LRRIQ3: variants seen among roughly 807,000 people sequenced by gnomAD.
The protein encoded by LRRIQ3 is leucine rich repeats and IQ motif containing 3.
A neutral mutation model predicts 59.3 loss-of-function variants in LRRIQ3; 75 were observed. The observed-to-expected ratio is 1.26, with a 90% CI of 1.05 to 1.53. The LOEUF (loss-of-function observed/expected upper bound fraction) is 1.53. Among genes scored for constraint, LRRIQ3 ranks in the 40% most tolerant of loss-of-function variants. The probability of loss-of-function intolerance (pLI) is 0.00; values close to 1 mark genes in which losing one functional copy is unlikely to be tolerated. For synonymous variants in LRRIQ3, 250 were observed against 231.3 expected (o/e 1.08, Z -0.73); for missense variants, 831 against 710.0 (o/e 1.17, Z -1.94).
intron 4 of LRRIQ3, among the ~76,000 whole-genome samples, chr1:74,142,954 G>A (rs994865669): frequency 6.6e-6 from 1 of 151,978 alleles, no homozygotes; most frequent in African/African-American, 2.4e-5. Flanking sequence ...TATCTATGTA[G>A]AAGCCCATTC....
At chr1:74,115,036 G>A (rs766192990) in intron 4 of LRRIQ3, among the ~76,000 whole-genome samples, 24 of 149,932 alleles carry the variant, frequency 1.6e-4, no homozygotes, top group Admixed American at 2.0e-4. Context: ...CTATCTTGTC[G>A]AATGATTTAT....
intron 5 of LRRIQ3, among the ~76,000 whole-genome samples, chr1:74,101,203 A>C (rs1329766023): frequency 6.6e-6 from 1 of 152,102 alleles, no homozygotes; most frequent in Non-Finnish European, 1.5e-5. Flanking sequence ...CACTCAAACA[A>C]ACTTACAAGA....
At chr1:74,046,034 A>G (rs111408832) in intron 6 of LRRIQ3, among the ~76,000 whole-genome samples, 2,635 of 152,286 alleles carry the variant, frequency 0.017, 59 homozygotes, top group African/African-American at 0.06. Flanking sequence ...CACACTGCCC[A>G]AAGCAATTTA....
intron 5 of LRRIQ3, among the ~76,000 whole-genome samples, chr1:74,101,120 C>G (rs187834057): frequency 1.1e-3 from 167 of 152,080 alleles, no homozygotes; most frequent in African/African-American, 3.9e-3. Flanking sequence ...AGTGAACAGG[C>G]AATCTACAGA....
At chr1:74,126,410 C>T (rs547867649) in intron 4 of LRRIQ3, among the ~76,000 whole-genome samples, 6 of 151,664 alleles carry the variant, frequency 4.0e-5, no homozygotes, top group African/African-American at 1.4e-4. Context: ...GTTCCATTTG[C>T]TTTTGCTTTT....
intron 4 of LRRIQ3, among the ~76,000 whole-genome samples, chr1:74,122,739 T>C (rs1312475362): frequency 1.3e-5 from 2 of 152,134 alleles, no homozygotes; most frequent in Non-Finnish European, 2.9e-5. Flanking sequence ...GAAGAAAACC[T>C]AGGCAATACC....
chr1:74,083,182 C>G (rs1275909749), intron 5 of LRRIQ3: 1 of 151,576 alleles, frequency 6.6e-6, no homozygotes, highest in Non-Finnish European at 1.5e-5. Flanking sequence ...TATCACTCAC[C>G]CAAGGTAGGC....
intron 1 of LRRIQ3, among the ~76,000 whole-genome samples, chr1:74,185,778 C>T (rs773371639): frequency 6.6e-6 from 1 of 151,784 alleles, no homozygotes; most frequent in Non-Finnish European, 1.5e-5. Context: ...CCCGTCTCTA[C>T]TAAAAATACA....
chr1:74,111,274 A>G (rs1406092030), intron 4 of LRRIQ3, among the ~76,000 whole-genome samples: 2 of 152,068 alleles, frequency 1.3e-5, no homozygotes, highest in African/African-American at 4.8e-5. Flanking sequence ...GTATATAAAT[A>G]AAATACAAAA....
At chr1:74,181,935 G>A (rs1009980145) in intron 3 of LRRIQ3, 5 of 151,528 alleles carry the variant, frequency 3.3e-5, no homozygotes, top group African/African-American at 1.2e-4. Context: ...GCAACTTATT[G>A]TTACTATATC....
Position 74,109,567 on chromosome 1 carries a change from G to A in LRRIQ3, c.708-14C>T, listed in dbSNP as rs1243274602. ...AAAAACACAGGGCTGAATATAAGGG[G>A]AGGGGAAAACTATTTGTTAGTTTTT... On this transcript the variant is annotated splice_polypyrimidine_tract_variant and intron_variant, in intron 4 of 7. Coordinates refer to ENST00000354431, the MANE Select transcript of LRRIQ3 (RefSeq NM_001105659.2). The A allele has an allele frequency of 1.3e-6, 2 of 1,535,690 alleles. No homozygotes were observed. The highest frequency in any genetic ancestry group is 1.7e-6 in the Non-Finnish European group (2 of 1,151,016).
intron 5 of LRRIQ3, among the ~76,000 whole-genome samples, chr1:74,101,359 A>C (rs539397329): frequency 1.3e-5 from 2 of 152,344 alleles, no homozygotes; most frequent in Non-Finnish European, 2.9e-5. Flanking sequence ...CCACAATGAG[A>C]TATCATCTCA....
intron 5 of LRRIQ3, among the ~76,000 whole-genome samples, chr1:74,100,137 T>A (rs1468477833): frequency 1.3e-5 from 2 of 152,172 alleles, no homozygotes; most frequent in African/African-American, 4.8e-5. Context: ...GCAGATGACA[T>A]GACTGTATAT....
intron 7 of LRRIQ3, among the ~76,000 whole-genome samples, chr1:74,036,272 A>G (rs895553869): frequency 6.6e-6 from 1 of 152,208 alleles, no homozygotes; most frequent in African/African-American, 2.4e-5. Flanking sequence ...GACAAGTGCC[A>G]TGCTTTAAAC....
chr1:74,115,241 G>C (rs1174861821), intron 4 of LRRIQ3, among the ~76,000 whole-genome samples: 4 of 152,004 alleles, frequency 2.6e-5, no homozygotes, highest in African/African-American at 9.7e-5. Context: ...AAAATCCAAA[G>C]TCTAATGATG....
chr1:74,080,318 A>T (rs1646259254), intron 5 of LRRIQ3, among the ~76,000 whole-genome samples: 1 of 151,726 alleles, frequency 6.6e-6, no homozygotes, highest in South Asian at 2.1e-4. Flanking sequence ...TTCTCAGAGC[A>T]TTATTGAAAA....
chr1:74,121,385 A>G (rs1023404648), intron 4 of LRRIQ3, among the ~76,000 whole-genome samples: 1 of 152,150 alleles, frequency 6.6e-6, no homozygotes, highest in Non-Finnish European at 1.5e-5. Context: ...GGGACCTGCC[A>G]AAAAGGTGCA....
intron 6 of LRRIQ3, among the ~76,000 whole-genome samples, chr1:74,074,410 T>C (rs1453337214): frequency 1.3e-5 from 2 of 152,138 alleles, no homozygotes; most frequent in African/African-American, 2.4e-5. Context: ...CTGTCTGTAA[T>C]TTCTTCCAGT....
intron 1 of LRRIQ3, among the ~76,000 whole-genome samples, chr1:74,190,348 C>A (rs1650679579): frequency 6.6e-6 from 1 of 151,096 alleles, no homozygotes; most frequent in Admixed American, 6.6e-5. Flanking sequence ...TGGTAGAGAC[C>A]AAAAACATTA....
Sources: allele counts gnomAD v4.1 joint callset (sites outside exome capture counted in the v4.1 genomes callset), GRCh38; gene constraint gnomAD v4.1.1; transcripts MANE v1.5; gene names NCBI Gene and HGNC (gene_info 2026-07-23, HGNC 2026-07-21).